Variants in TXNDC9 observed in about 807,000 individuals in gnomAD.
TXNDC9 encodes thioredoxin domain-containing protein 9.
TXNDC9 carries 7 observed loss-of-function variants against 23.0 expected under a neutral mutation model. The ratio of observed to expected loss-of-function variants is 0.30; its 90% CI spans 0.17 to 0.57. The LOEUF is 0.57. Among genes scored for constraint, TXNDC9 ranks in the 20% least tolerant of loss-of-function variants. The probability of loss-of-function intolerance (pLI) is 0.90; values close to 1 mark genes in which losing one functional copy is unlikely to be tolerated. For missense variants in TXNDC9, 198 were observed against 252.6 expected (o/e 0.78, Z 1.47); for synonymous variants, 72 against 90.6 (o/e 0.79, Z 1.17).
At chr2:99,332,171 G>A (rs1054725451) in intron 2 of TXNDC9, among the ~76,000 whole-genome samples, 7 of 152,214 alleles carry the variant, frequency 4.6e-5, no homozygotes, top group Admixed American at 2.0e-4. Context: ...GGCCAGGTGC[G>A]GTAGCTCACG....
chr2:99,330,292 A>AAAAAAAAAAAC (rs2094221840), intron 2 of TXNDC9, among the ~76,000 whole-genome samples: 1 of 93,066 alleles, frequency 1.1e-5, no homozygotes, highest in Non-Finnish European at 2.2e-5. Flanking sequence ...TCTTATCTCA[A>AAAAAAAAAAAC]AAAAAAAAAA....
chr2:99,322,660 C>T (rs745699949), intron 3 of TXNDC9: 1 of 1,538,742 alleles, frequency 6.5e-7, no homozygotes, highest in African/African-American at 1.4e-5. Flanking sequence ...ATATGCAACG[C>T]TGTCAGTAAG....
At chr2:99,312,210 A>C in the TXNDC9 span, among the ~76,000 whole-genome samples, 2 of 152,162 alleles carry the variant, frequency 1.3e-5, no homozygotes, top group Non-Finnish European at 2.9e-5. Flanking sequence ...CACACCCCTT[A>C]TTCTGTGGAC....
intron 2 of TXNDC9, among the ~76,000 whole-genome samples, chr2:99,328,654 A>G (rs1470557754): frequency 1.3e-5 from 2 of 152,130 alleles, no homozygotes; most frequent in African/African-American, 4.8e-5. Context: ...GAAGCATTTG[A>G]TCCAAGTTAC....
the TXNDC9 span, among the ~76,000 whole-genome samples, chr2:99,311,017 G>A: frequency 6.6e-6 from 1 of 151,896 alleles, no homozygotes; most frequent in Admixed American, 6.6e-5. Context: ...CCCTGCTTTA[G>A]TTGTAATTTG....
chr2:99,336,210 C>T, intron 1 of TXNDC9, 29 bp downstream of exon 1: 1 of 985,286 alleles, frequency 1.0e-6, no homozygotes, highest in Non-Finnish European at 1.2e-6. Flanking sequence ...ACGTGGTGGT[C>T]GGATTCTTCT....
chr2:99,330,821 C>T, intron 2 of TXNDC9, among the ~76,000 whole-genome samples: 1 of 152,198 alleles, frequency 6.6e-6, no homozygotes, highest in Admixed American at 6.5e-5. Flanking sequence ...TGTATAATCT[C>T]TTATAAAAAG....
intron 1 of TXNDC9, 121 bp downstream of exon 1, chr2:99,336,118 G>C: frequency 2.3e-6 from 2 of 871,900 alleles, no homozygotes; most frequent in Non-Finnish European, 1.4e-6. Flanking sequence ...AAGAGCCTCT[G>C]CCAGGACACC....
intron 3 of TXNDC9, 94 bp from the exon 4 acceptor site, chr2:99,322,303 T>C: frequency 6.8e-7 from 1 of 1,480,434 alleles, no homozygotes; most frequent in Non-Finnish European, 9.0e-7. Context: ...TTATGTAGTT[T>C]TTCTGTTGAC....
chr2:99,309,573 C>A, the TXNDC9 span, among the ~76,000 whole-genome samples: 1 of 149,750 alleles, frequency 6.7e-6, no homozygotes, highest in Admixed American at 6.7e-5. Flanking sequence ...GTGGCTCATG[C>A]CTGTAATCCC....
downstream of TXNDC9, among the ~76,000 whole-genome samples, chr2:99,316,585 C>T (rs1030789591): frequency 6.6e-6 from 1 of 151,808 alleles, no homozygotes; most frequent in African/African-American, 2.4e-5. Flanking sequence ...ACAACTTGAT[C>T]TTGGATTAAT....
chr2:99,320,453 C>G (rs966367804), intron 4 of TXNDC9, among the ~76,000 whole-genome samples: 5 of 152,194 alleles, frequency 3.3e-5, no homozygotes, highest in African/African-American at 1.2e-4. Context: ...TAATCTGAAT[C>G]TAATCTTGAG....
chr2:99,316,117 CTTTT>C (rs57142545), downstream of TXNDC9, among the ~76,000 whole-genome samples: 462 of 135,982 alleles, frequency 3.4e-3, no homozygotes, highest in South Asian at 7.5e-3. Context: ...ATTTCTTTTT[CTTTT>C]TTTTTTTTTT....
At chr2:99,311,066 T>C in the TXNDC9 span, among the ~76,000 whole-genome samples, 2 of 152,100 alleles carry the variant, frequency 1.3e-5, no homozygotes. Context: ...CCCTCTGTTG[T>C]TCAGGCTGGA....
At chr2:99,306,256 T>C in the TXNDC9 span, among the ~76,000 whole-genome samples, 3 of 152,140 alleles carry the variant, frequency 2.0e-5, no homozygotes, top group Non-Finnish European at 4.4e-5. Context: ...GCCATCTAAA[T>C]GGACATTGAA....
rs577187089 is a variant in TXNDC9, at chr2:99,327,067, T to G, written c.308+468A>C. Among the ~76,000 whole-genome samples the G allele has an allele frequency of 2.3e-3, 347 of 152,280 alleles. 4 individuals carry two copies. The highest frequency in any genetic ancestry group is 8.1e-3 in the African/African-American group (338 of 41,562). On this transcript the variant is annotated intron_variant, in intron 3 of 4. Coordinates refer to ENST00000264255, the MANE Select transcript of TXNDC9 (RefSeq NM_005783.4). The stretch of plus-strand genomic sequence containing the variant: ...TTAAGTTACTCTTTAAAATAACAAT[T>G]AACTTTTTTTTTCTTTCTTTTTTGA...
chr2:99,308,675 C>G, the TXNDC9 span, among the ~76,000 whole-genome samples: 1 of 151,554 alleles, frequency 6.6e-6, no homozygotes, highest in African/African-American at 2.4e-5. Flanking sequence ...ACTGGAAAGG[C>G]CTTTAACAAA....
chr2:99,317,497 T>TC, downstream of TXNDC9, among the ~76,000 whole-genome samples: 1 of 152,186 alleles, frequency 6.6e-6, no homozygotes, highest in East Asian at 1.9e-4. Flanking sequence ...CCATGACTAC[T>TC]CCCTCTAGCC....
At chr2:99,316,977 CG>C (rs2094190625), downstream of TXNDC9, among the ~76,000 whole-genome samples, 1 of 152,124 alleles carries the variant, frequency 6.6e-6, no homozygotes, top group African/African-American at 2.4e-5. Context: ...AGGACGGTCT[CG>C]ATCTCCCGAC....
Sources: gnomAD v4.1 joint callset for allele counts (sites outside exome capture counted in the v4.1 genomes callset) on GRCh38, gnomAD v4.1.1 for gene constraint, MANE v1.5 for transcripts, NCBI Gene and HGNC (gene_info 2026-07-23, HGNC 2026-07-21) for gene names.